CRISP1: variants seen among roughly 807,000 people sequenced by gnomAD.
CRISP1 encodes cysteine-rich secretory protein 1.
In CRISP1, 44 loss-of-function variants were observed where a neutral mutation model predicts 33.1. The ratio of observed to expected loss-of-function variants is 1.33; its 90% CI spans 1.05 to 1.71. The LOEUF is 1.71. Ranked by LOEUF, CRISP1 falls within the 40% of genes most tolerant of loss-of-function variation. The pLI is 0.00. For synonymous variants in CRISP1, 103 were observed against 98.7 expected (o/e 1.04, Z -0.26); for missense variants, 390 against 301.2 (o/e 1.29, Z -2.18).
chr6:49,860,065 G>A (rs1771605199), intron 1 of CRISP1, among the ~76,000 whole-genome samples: 1 of 152,064 alleles, frequency 6.6e-6, no homozygotes, highest in Non-Finnish European at 1.5e-5. Flanking sequence ...AATTCAGCAA[G>A]AGAATGTAAC....
rs182500222 is a variant in CRISP1, at chr6:49,864,686, T to G, written c.-3+1743A>C. 3.1e-3 allele frequency among the ~76,000 whole-genome samples: 476 copies of G among 152,284 alleles called. 12 individuals carry two copies. The highest frequency in any genetic ancestry group is 0.028 in the Admixed American group (421 of 15,254). On this transcript the variant is annotated intron_variant, in intron 1 of 7. Transcript: ENST00000335847. ...TATTGAGCTTATTTACATGTGCTTATCAGCCACTTTGATCCCATCTTTTCT... is the reference window on the plus strand; with the variant it reads ...TATTGAGCTTATTTACATGTGCTTAGCAGCCACTTTGATCCCATCTTTTCT...
intron 5 of CRISP1, among the ~76,000 whole-genome samples, chr6:49,844,508 C>A (rs910113528): frequency 1.3e-5 from 2 of 151,984 alleles, no homozygotes; most frequent in Non-Finnish European, 2.9e-5. Flanking sequence ...GTTGTCCCTG[C>A]AGATGATCTC....
rs75289670 is a variant in CRISP1, at chr6:49,862,829, A to C, written c.-3+3600T>G. Reference sequence around the variant, plus strand: ...GAAAAGAAGCTACAAAAAAAAAAACAAAACAAAACTGGAGGGTCATTTTTT... The same window carrying C: ...GAAAAGAAGCTACAAAAAAAAAAACCAAACAAAACTGGAGGGTCATTTTTT... On this transcript the variant is annotated intron_variant, in intron 1 of 7. Coordinates refer to ENST00000335847, the MANE Select transcript of CRISP1 (RefSeq NM_001131.3). 1.0e-3 allele frequency among the ~76,000 whole-genome samples: 153 copies of C among 151,018 alleles called. 1 individual carries two copies. Among genetic ancestry groups the C allele is most frequent in the South Asian group, 1.3e-3 (6 of 4,764 alleles).
At position 49,846,391 on chromosome 6, in the gene CRISP1, G is replaced by A. The variant is rs571764305; in HGVS notation, c.435+129C>T. 6 of 940,036 alleles carry A rather than the reference G, an allele frequency of 6.4e-6. No homozygotes were observed. In the African/African-American group the frequency reaches 6.6e-5, roughly 10 times the overall value. 58.2% of individuals were successfully genotyped at this position (940,036 alleles called of 1,614,324 possible). ...CACTTCCTTCTATTTCAAATTATAA[G>A]AGGAACTCAGTAAATTGAGTAAAGA... is the stretch of plus-strand genomic sequence containing the variant. On this transcript the variant is annotated intron_variant, in intron 5 of 7. Transcript: ENST00000335847.
At chr6:49,857,894 C>T (rs12209344) in intron 1 of CRISP1, among the ~76,000 whole-genome samples, 14,735 of 152,148 alleles carry the variant, frequency 0.097, 996 homozygotes, top group Non-Finnish European at 0.15. Context: ...CCTCTGGAAG[C>T]AGGAAAAGGT....
chr6:49,837,694 G>A (rs2127468232), intron 7 of CRISP1, among the ~76,000 whole-genome samples: 1 of 151,982 alleles, frequency 6.6e-6, no homozygotes, highest in South Asian at 2.1e-4. Flanking sequence ...TCAAGTCGGA[G>A]GTCACAGGAT....
intron 2 of CRISP1, among the ~76,000 whole-genome samples, chr6:49,855,637 A>G (rs1051498624): frequency 1.3e-5 from 2 of 152,082 alleles, no homozygotes; most frequent in African/African-American, 2.4e-5. Flanking sequence ...CCTGATCACA[A>G]CTCTCTATAG....
intron 1 of CRISP1, among the ~76,000 whole-genome samples, chr6:49,862,448 T>C (rs771331189): frequency 6.6e-6 from 1 of 152,058 alleles, no homozygotes; most frequent in Non-Finnish European, 1.5e-5. Flanking sequence ...ATTTTACATA[T>C]AGTTTTTTTT....
rs1317036222 is a variant in CRISP1 at position 49,834,542 on chromosome 6, A to C, written c.*774T>G. The C allele has an allele frequency of 6.6e-6, 1 of 152,096 alleles. No individual in the cohort carries two copies. The highest frequency in any genetic ancestry group is 1.5e-5 in the Non-Finnish European group (1 of 68,008). The allele number at this position is 152,096 out of a possible 1,614,324, so 9.4% of individuals were successfully genotyped here. On this transcript the variant is annotated 3_prime_UTR_variant, in exon 8 of 8. Transcript: ENST00000335847. ...AGGCTTTCCTGAATCTCCAAACAGA[A>C]GCTATTTATGCTCATCTGGCAATAA...
intron 1 of CRISP1, among the ~76,000 whole-genome samples, chr6:49,860,020 G>C (rs775670492): frequency 5.9e-5 from 9 of 151,996 alleles, no homozygotes; most frequent in Non-Finnish European, 1.2e-4. Flanking sequence ...AGCAAAAGCA[G>C]ACAAAGAAGG....
At chr6:49,849,289 G>A (rs766930824) in intron 3 of CRISP1, among the ~76,000 whole-genome samples, 1 of 152,086 alleles carries the variant, frequency 6.6e-6, no homozygotes, top group African/African-American at 2.4e-5. Context: ...ACCCACCATC[G>A]GGCCCCGCAG....
At chr6:49,851,326 T>A (rs1273938676) in intron 3 of CRISP1, among the ~76,000 whole-genome samples, 1 of 152,116 alleles carries the variant, frequency 6.6e-6, no homozygotes, top group African/African-American at 2.4e-5. Flanking sequence ...CTCATGAAAC[T>A]GAGTGATACT....
chr6:49,848,654 T>C (rs1321018132), intron 3 of CRISP1, among the ~76,000 whole-genome samples: 1 of 152,174 alleles, frequency 6.6e-6, no homozygotes, highest in Non-Finnish European at 1.5e-5. Context: ...TGAATCTCAG[T>C]TTATCCATCT....
chr6:49,840,519 A>G (rs1770949860), intron 6 of CRISP1, among the ~76,000 whole-genome samples: 1 of 152,204 alleles, frequency 6.6e-6, no homozygotes, highest in Non-Finnish European at 1.5e-5. Context: ...TTGTTGAAGT[A>G]AATGTCCTTG....
intron 2 of CRISP1, among the ~76,000 whole-genome samples, chr6:49,854,203 G>C (rs553227057): frequency 6.6e-6 from 1 of 152,028 alleles, no homozygotes; most frequent in South Asian, 2.1e-4. Flanking sequence ...CAAGTGAATG[G>C]GTCATTCTTT....
At chr6:49,852,244 A>G in intron 2 of CRISP1, 115 bp from the exon 3 acceptor site, 3 of 923,432 alleles carry the variant, frequency 3.2e-6, no homozygotes, top group Non-Finnish European at 4.8e-6. Context: ...AGTGATTTAT[A>G]GCATTTTTGA....
chr6:49,870,871 C>A (rs1052529054), upstream of CRISP1, among the ~76,000 whole-genome samples: 1 of 151,920 alleles, frequency 6.6e-6, no homozygotes, highest in African/African-American at 2.4e-5. Flanking sequence ...CCGAGGTGGG[C>A]GGATGACCTG....
chr6:49,863,607 T>G (rs1028556251), intron 1 of CRISP1, among the ~76,000 whole-genome samples: 7 of 152,208 alleles, frequency 4.6e-5, no homozygotes, highest in African/African-American at 1.7e-4. Context: ...TGTTTCTTGT[T>G]GACAAATTTG....
At chr6:49,852,804 C>G (rs1771389517) in intron 2 of CRISP1, among the ~76,000 whole-genome samples, 1 of 151,204 alleles carries the variant, frequency 6.6e-6, no homozygotes, top group South Asian at 2.1e-4. Context: ...AAATACATGA[C>G]CAAAGTATTT....
Sources: gnomAD v4.1 joint callset for allele counts (sites outside exome capture counted in the v4.1 genomes callset) on GRCh38, gnomAD v4.1.1 for gene constraint, MANE v1.5 for transcripts, NCBI Gene and HGNC (gene_info 2026-07-23, HGNC 2026-07-21) for gene names.